DEPDC7: variants seen among roughly 807,000 people sequenced by gnomAD.
DEPDC7 encodes the protein DEP domain containing 7, also known as DEP domain-containing protein 7.
A neutral mutation model predicts 56.6 loss-of-function variants in DEPDC7; 41 were observed. The observed-to-expected ratio is 0.72, with a 90% CI of 0.56 to 0.94. DEPDC7 has a LOEUF of 0.94. Among genes scored for constraint, DEPDC7 ranks in the 40% least tolerant of loss-of-function variants. The probability of loss-of-function intolerance (pLI) is 0.00; values close to 1 mark genes in which losing one functional copy is unlikely to be tolerated. For synonymous variants in DEPDC7, 185 were observed against 208.8 expected (o/e 0.89, Z 0.98); for missense variants, 522 against 596.3 (o/e 0.88, Z 1.30).
At chr11:33,030,631 T>G (rs1853623740) in intron 4 of DEPDC7, among the ~76,000 whole-genome samples, 1 of 152,188 alleles carries the variant, frequency 6.6e-6, no homozygotes, top group Non-Finnish European at 1.5e-5. Flanking sequence ...TTGCCCAGGC[T>G]GGAGTGCAGT....
At chr11:33,020,102 G>A (rs1564963163) in intron 1 of DEPDC7, among the ~76,000 whole-genome samples, 1 of 152,022 alleles carries the variant, frequency 6.6e-6, no homozygotes, top group South Asian at 2.1e-4. Context: ...GGTTTTCATA[G>A]GTTTTCACAG....
intron 1 of DEPDC7, among the ~76,000 whole-genome samples, chr11:33,020,813 G>A (rs1371974240): frequency 2.0e-5 from 3 of 152,152 alleles, no homozygotes; most frequent in African/African-American, 7.2e-5. Flanking sequence ...TGGCAGTTTA[G>A]ACCTGAAACT....
At chr11:33,019,877 C>A (rs1590206462) in intron 1 of DEPDC7, among the ~76,000 whole-genome samples, 2 of 145,696 alleles carry the variant, frequency 1.4e-5, no homozygotes, top group South Asian at 4.3e-4. Flanking sequence ...GGATTCAGTT[C>A]CTTTTTTTTT....
intron 8 of DEPDC7, 63 bp downstream of exon 8, chr11:33,033,030 T>C (rs1853650023): frequency 2.3e-6 from 3 of 1,332,730 alleles, no homozygotes; most frequent in Non-Finnish European, 3.1e-6. Flanking sequence ...TTTTTGAAAA[T>C]GTTTTGCTAT....
intron 1 of DEPDC7, among the ~76,000 whole-genome samples, chr11:33,021,341 C>T (rs1386914094): frequency 2.0e-5 from 3 of 151,926 alleles, no homozygotes; most frequent in Non-Finnish European, 4.4e-5. Flanking sequence ...GGTTGTTTAG[C>T]TCATATGAAA....
At chr11:33,021,719 A>T (rs1853526110) in intron 1 of DEPDC7, among the ~76,000 whole-genome samples, 1 of 152,144 alleles carries the variant, frequency 6.6e-6, no homozygotes, top group African/African-American at 2.4e-5. Context: ...ATTAATGGTC[A>T]GTGAGAACAG....
intron 1 of DEPDC7, among the ~76,000 whole-genome samples, chr11:33,025,110 C>T (rs1853564111): frequency 6.6e-6 from 1 of 152,136 alleles, no homozygotes. Flanking sequence ...GCCCCTCTCC[C>T]TCCTTGATCT....
intron 5 of DEPDC7, 52 bp downstream of exon 5, chr11:33,031,641 A>G (rs748308162): frequency 4.8e-6 from 7 of 1,460,134 alleles, no homozygotes; most frequent in East Asian, 4.5e-5. Flanking sequence ...GGAAACAAGA[A>G]AAAGTTAGTT....
chr11:33,021,357 G>A (rs1853522847), intron 1 of DEPDC7, among the ~76,000 whole-genome samples: 1 of 152,128 alleles, frequency 6.6e-6, no homozygotes, highest in Non-Finnish European at 1.5e-5. Flanking sequence ...TGAAAGTGAG[G>A]TTTGAGGACA....
At chr11:33,019,269 A>T (rs1172943204) in intron 1 of DEPDC7, among the ~76,000 whole-genome samples, 1 of 152,218 alleles carries the variant, frequency 6.6e-6, no homozygotes, top group South Asian at 2.1e-4. Context: ...ACTGGATGCC[A>T]GCAATACCCA....
At position 33,033,395 on chromosome 11, in the gene DEPDC7, A is replaced by G. The variant is rs748685302; in HGVS notation, c.1476A>G (p.Lys492=). The G allele has an allele frequency of 2.4e-5, 38 of 1,610,792 alleles. No individual in the cohort carries two copies. The highest frequency in any genetic ancestry group is 3.1e-5 in the Non-Finnish European group (36 of 1,179,118). The change falls in exon 9 of 9, where the codon AAA becomes AAG. Residue 492 remains lysine (K), a synonymous_variant. Transcript: ENST00000241051. ...DSKLSAKEKK[K]LLGQFYKCHP... is the part of the protein sequence containing the mutation. ...AACTTTCTGCCAAAGAGAAGAAAAA[A>G]TTGCTAGGTCAATTCTATAAGTGTC...
At chr11:33,032,991 A>C in intron 8 of DEPDC7, 24 bp downstream of exon 8, 1 of 1,515,726 alleles carries the variant, frequency 6.6e-7, no homozygotes. Context: ...TATTATTTTC[A>C]TGATCTTCCA....
At chr11:33,028,107 T>A in intron 3 of DEPDC7, 1 of 242,694 alleles carries the variant, frequency 4.1e-6, no homozygotes, top group Non-Finnish European at 7.7e-6. Context: ...TTTCTTTTCC[T>A]AAGATTTTAT....
rs769316278 is a variant in DEPDC7, at chr11:33,033,247, C to T, written c.1343-15C>T. 6 of 1,548,018 alleles carry T rather than the reference C, an allele frequency of 3.9e-6. No individual in the cohort carries two copies. The highest frequency in any genetic ancestry group is 5.2e-6 in the Non-Finnish European group (6 of 1,145,764). ...ATTGAGTCATTAACTGAACTTTTTA[C>T]TTTTAAACTTTAAGGATATATTTAT... On this transcript the variant is annotated splice_polypyrimidine_tract_variant and intron_variant, in intron 8 of 8. Transcript: ENST00000241051.
In DEPDC7 at chr11:33,033,351, A is replaced by T. The variant is rs1853653848; in HGVS notation, c.1432A>T (p.Thr478Ser). 3 of 1,611,380 alleles carry T rather than the reference A, an allele frequency of 1.9e-6. No homozygotes were observed. The East Asian group carries it at 6.7e-5, about 36-fold the overall frequency. ...TKDELLNLLKTLDEDSKLSAK... is the reference protein window; with the variant it reads ...TKDELLNLLKSLDEDSKLSAK... Reference sequence around the variant, plus strand: ...AGATGAGCTGTTGAATTTACTAAAAACTCTTGATGAGGATTCAAAACTTTC... The same window carrying T: ...AGATGAGCTGTTGAATTTACTAAAATCTCTTGATGAGGATTCAAAACTTTC... The change falls in exon 9 of 9, where the codon ACT becomes TCT. Residue 478 changes from threonine (T) to serine (S), a missense_variant. By Grantham distance (58) the Thr-to-Ser change is moderately conservative. Coordinates refer to ENST00000241051, the MANE Select transcript of DEPDC7 (RefSeq NM_001077242.2).
At chr11:33,021,582 T>C (rs1853524785) in intron 1 of DEPDC7, among the ~76,000 whole-genome samples, 1 of 152,202 alleles carries the variant, frequency 6.6e-6, no homozygotes, top group Non-Finnish European at 1.5e-5. Context: ...GTTATCCTGG[T>C]ATGGGTTTTG....
chr11:33,026,573 C>T (rs1376448514), intron 2 of DEPDC7: 2 of 177,530 alleles, frequency 1.1e-5, no homozygotes, highest in Non-Finnish European at 2.4e-5. Context: ...TATATCAGAT[C>T]TGACCTAAAG....
At position 33,032,896 on chromosome 11, in the gene DEPDC7, G is replaced by A. The variant is rs530092753; in HGVS notation, c.1271G>A (p.Gly424Glu). The A allele has an allele frequency of 1.9e-6, 3 of 1,602,022 alleles. No individual in the cohort carries two copies. The highest frequency in any genetic ancestry group is 4.5e-5 in the East Asian group (2 of 44,612). Residue 424 changes from glycine to glutamate, a missense_variant, in exon 8 of 9, where the codon GGA becomes GAA. Transcript: ENST00000241051. ...TCCCTTCTTTTTCTTAAGATTCCTG[G>A]AACTCTACATAAAATTGTAAGTGTT... ...DHQKDVFKIPGTLHKIVSVKL... is the reference protein window; with the variant it reads ...DHQKDVFKIPETLHKIVSVKL...
At chr11:33,020,618 T>C (rs1483247112) in intron 1 of DEPDC7, among the ~76,000 whole-genome samples, 1 of 152,222 alleles carries the variant, frequency 6.6e-6, no homozygotes, top group Non-Finnish European at 1.5e-5. Context: ...GGAGGAGATA[T>C]AATTTCAGTC....
Sources: gnomAD v4.1 joint callset for allele counts (sites outside exome capture counted in the v4.1 genomes callset) on GRCh38, gnomAD v4.1.1 for gene constraint, MANE v1.5 for transcripts, NCBI Gene and HGNC (gene_info 2026-07-23, HGNC 2026-07-21) for gene names.